Variants in DNER observed in about 807,000 individuals in gnomAD.
DNER encodes delta/notch like EGF repeat containing, also known as delta and Notch-like epidermal growth factor-related receptor.
DNER carries 33 observed loss-of-function variants against 78.2 expected under a neutral mutation model. The observed-to-expected ratio is 0.42, with a 90% CI of 0.32 to 0.56. The LOEUF (loss-of-function observed/expected upper bound fraction) is 0.56. DNER is among the 20% of genes least tolerant of loss of function. DNER has a pLI of 0.11. For missense variants in DNER, 918 were observed against 975.3 expected (o/e 0.94, Z 0.78); for synonymous variants, 417 against 384.8 (o/e 1.08, Z -0.98).
intron 10 of DNER, among the ~76,000 whole-genome samples, chr2:229,398,737 A>G (rs2106340591): frequency 6.6e-6 from 1 of 152,240 alleles, no homozygotes; most frequent in East Asian, 1.9e-4. Flanking sequence ...ATTATATAAA[A>G]TGAGTTATAC....
At chr2:229,624,082 G>A (rs929053712) in intron 1 of DNER, among the ~76,000 whole-genome samples, 1 of 152,174 alleles carries the variant, frequency 6.6e-6, no homozygotes. Context: ...TTTTCAGACA[G>A]TGTTTATAAA....
intron 1 of DNER, among the ~76,000 whole-genome samples, chr2:229,616,853 A>G (rs958232480): frequency 6.6e-6 from 1 of 152,230 alleles, no homozygotes; most frequent in African/African-American, 2.4e-5. Context: ...TTATCTGGAC[A>G]CGTGGCTTGT....
intron 6 of DNER, among the ~76,000 whole-genome samples, chr2:229,478,078 G>T (rs1695074746): frequency 6.6e-6 from 1 of 152,106 alleles, no homozygotes; most frequent in South Asian, 2.1e-4. Context: ...GTGGAAAACG[G>T]TAAAGAAAGT....
At chr2:229,465,500 T>C (rs565868036) in intron 7 of DNER, among the ~76,000 whole-genome samples, 2 of 152,212 alleles carry the variant, frequency 1.3e-5, no homozygotes, top group African/African-American at 4.8e-5. Context: ...GATGGGTTGA[T>C]AGGTGCAGCA....
intron 1 of DNER, among the ~76,000 whole-genome samples, chr2:229,707,944 G>T (rs1699854722): frequency 6.6e-6 from 1 of 152,184 alleles, no homozygotes; most frequent in Non-Finnish European, 1.5e-5. Flanking sequence ...CAACTTTCAA[G>T]GTTGGCATCA....
Position 229,394,870 on chromosome 2 carries a change from G to A in DNER, c.1724-6474C>T, listed in dbSNP as rs531512084. Among the ~76,000 whole-genome samples the A allele has an allele frequency of 5.9e-5, 9 of 152,254 alleles. No individual in the cohort carries two copies. The East Asian group carries it at 7.7e-4, about 13-fold the overall frequency. On this transcript the variant is annotated intron_variant, in intron 10 of 12. Coordinates refer to ENST00000341772, the MANE Select transcript of DNER (RefSeq NM_139072.4). ...GTTTTAAGGTCTCTGTTCTCTCTCC[G>A]TAAAACTTCTCAGTCAAATGAATTC... is the stretch of plus-strand genomic sequence containing the variant.
At chr2:229,474,683 G>A (rs938388107) in intron 7 of DNER, among the ~76,000 whole-genome samples, 4 of 152,252 alleles carry the variant, frequency 2.6e-5, no homozygotes, top group Non-Finnish European at 5.9e-5. Flanking sequence ...TATCACAAGG[G>A]TCTCTCACAA....
intron 1 of DNER, among the ~76,000 whole-genome samples, chr2:229,649,098 G>A (rs536960443): frequency 6.6e-6 from 1 of 152,186 alleles, no homozygotes; most frequent in Non-Finnish European, 1.5e-5. Flanking sequence ...GAGGAGAGAG[G>A]AGGAGGCAAG....
At chr2:229,679,973 C>T (rs142939651) in intron 1 of DNER, among the ~76,000 whole-genome samples, 158 of 152,260 alleles carry the variant, frequency 1.0e-3, no homozygotes, top group African/African-American at 3.6e-3. Flanking sequence ...GCAGTAAAAG[C>T]AACCTGACTC....
chr2:229,410,870 G>A (rs1234963667), intron 9 of DNER, among the ~76,000 whole-genome samples: 5 of 152,186 alleles, frequency 3.3e-5, no homozygotes, highest in Non-Finnish European at 7.4e-5. Context: ...CAGTAAAGAA[G>A]TGTTATTACA....
intron 6 of DNER, among the ~76,000 whole-genome samples, chr2:229,499,901 A>G (rs1403214532): frequency 6.6e-6 from 1 of 151,508 alleles, no homozygotes; most frequent in African/African-American, 2.4e-5. Context: ...AATTTTAAAA[A>G]TGGGCAAAAA....
intron 8 of DNER, among the ~76,000 whole-genome samples, chr2:229,432,534 A>C (rs1694029587): frequency 6.6e-6 from 1 of 152,210 alleles, no homozygotes; most frequent in African/African-American, 2.4e-5. Context: ...TTTCCTTTTA[A>C]TTTATTTCAC....
Position 229,591,944 on chromosome 2 carries a change from C to G in DNER, c.277-56G>C. ...TCCCTCATAAGAAAAGTGGTGCCAT[C>G]GCTGGGAAATTAGCTCTGTGTCTCA... On this transcript the variant is annotated intron_variant, in intron 1 of 12. Transcript: ENST00000341772. This position sits in a 1 kb window ranked among gnomAD's most constrained non-coding sequence, Gnocchi z 4.6. 6.9e-7 allele frequency: 1 copy of G among 1,450,140 alleles called. No individual in the cohort carries two copies. The allele number at this position is 1,450,140 out of a possible 1,614,324, so 89.8% of individuals were successfully genotyped here.
intron 1 of DNER, among the ~76,000 whole-genome samples, chr2:229,597,644 G>A (rs1697746611): frequency 6.6e-6 from 1 of 152,180 alleles, no homozygotes; most frequent in Admixed American, 6.5e-5. Flanking sequence ...GGGGAAAAAT[G>A]ATTAAGCCTT....
intron 1 of DNER, among the ~76,000 whole-genome samples, chr2:229,684,145 T>TGAGAGAGAGA (rs67820927): frequency 2.3e-4 from 28 of 123,064 alleles, no homozygotes; most frequent in African/African-American, 8.5e-4. Context: ...TCTGTGTATG[T>TGAGAGAGAGA]GAGAGAGAGA....
intron 1 of DNER, among the ~76,000 whole-genome samples, chr2:229,594,952 TAAAAAAAAAAAAAAAAAAAAA>T (rs200824543): frequency 7.3e-4 from 75 of 102,694 alleles, no homozygotes; most frequent in South Asian, 5.7e-3. Context: ...AAATGCTGTT[TAAAAAAAAAAAAAAAAAAAAA>T]AAAAAAAAAA....
intron 7 of DNER, among the ~76,000 whole-genome samples, chr2:229,468,979 G>A (rs1317973152): frequency 3.3e-5 from 5 of 152,228 alleles, no homozygotes; most frequent in Non-Finnish European, 7.3e-5. Flanking sequence ...GGCATCATGA[G>A]TTTGCAGTGA....
At chr2:229,446,563 A>G (rs771004788) in intron 8 of DNER, among the ~76,000 whole-genome samples, 2 of 152,326 alleles carry the variant, frequency 1.3e-5, no homozygotes. Context: ...TGTGCTGGGA[A>G]GCTTTCTAAA....
At chr2:229,655,316 G>A (rs960201186) in intron 1 of DNER, among the ~76,000 whole-genome samples, 1 of 152,008 alleles carries the variant, frequency 6.6e-6, no homozygotes, top group East Asian at 1.9e-4. Flanking sequence ...ATTCAAAAGA[G>A]GGACTGGTAA....
Sources: allele counts gnomAD v4.1 joint callset (sites outside exome capture counted in the v4.1 genomes callset), GRCh38; gene constraint gnomAD v4.1.1; non-coding constraint Gnocchi (gnomAD v3.1); transcripts MANE v1.5; gene names NCBI Gene and HGNC (gene_info 2026-07-23, HGNC 2026-07-21).